Variants in ODF2L observed in about 807,000 individuals in gnomAD.
ODF2L encodes protein BCAP.
ODF2L carries 76 observed loss-of-function variants against 86.3 expected under a neutral mutation model. The observed-to-expected ratio is 0.88, with a 90% CI of 0.73 to 1.07. The LOEUF (loss-of-function observed/expected upper bound fraction) is 1.07, where lower values mean the gene tolerates loss of function less well. Among genes scored for constraint, ODF2L ranks in the 50% least tolerant of loss-of-function variants. The pLI is 0.00. For missense variants in ODF2L, 748 were observed against 717.4 expected (o/e 1.04, Z -0.49); for synonymous variants, 241 against 231.3 (o/e 1.04, Z -0.38).
chr1:86,380,208 C>A (rs1051583617), intron 7 of ODF2L, among the ~76,000 whole-genome samples: 4 of 152,094 alleles, frequency 2.6e-5, no homozygotes, highest in African/African-American at 9.7e-5. Flanking sequence ...CTTAACTCTA[C>A]AATCATCAAA....
chr1:86,378,114 T>C (rs1204282056), intron 7 of ODF2L, among the ~76,000 whole-genome samples: 1 of 152,180 alleles, frequency 6.6e-6, no homozygotes, highest in Non-Finnish European at 1.5e-5. Flanking sequence ...TTTTTCTGAT[T>C]AGAAATTTCT....
chr1:86,391,551 A>C (rs1661330371), intron 1 of ODF2L, among the ~76,000 whole-genome samples: 1 of 152,234 alleles, frequency 6.6e-6, no homozygotes, highest in Non-Finnish European at 1.5e-5. Context: ...TATTTGACAA[A>C]GCAAGCAAAA....
At chr1:86,376,767 T>A (rs1660205358) in intron 7 of ODF2L, among the ~76,000 whole-genome samples, 1 of 152,130 alleles carries the variant, frequency 6.6e-6, no homozygotes, top group Non-Finnish European at 1.5e-5. Flanking sequence ...GAGAACAGCA[T>A]GGGGAAAACC....
chr1:86,359,115 A>T (rs1317204971), intron 12 of ODF2L, among the ~76,000 whole-genome samples: 1 of 151,908 alleles, frequency 6.6e-6, no homozygotes, highest in African/African-American at 2.4e-5. Context: ...ATACTTCTAA[A>T]CTCTCCACTT....
chr1:86,367,581 A>C (rs540800236), intron 11 of ODF2L, among the ~76,000 whole-genome samples: 1 of 151,918 alleles, frequency 6.6e-6, no homozygotes, highest in Non-Finnish European at 1.5e-5. Context: ...ACAACAACAA[A>C]AACAAAAACA....
intron 6 of ODF2L, among the ~76,000 whole-genome samples, 165 bp downstream of exon 6, chr1:86,382,766 T>C (rs1660678097): frequency 2.0e-5 from 3 of 151,830 alleles, no homozygotes; most frequent in Admixed American, 2.0e-4. Context: ...TTAATAAAAT[T>C]AAGATGTTAT....
rs200762791 is a variant in ODF2L, at chr1:86,385,191, AG to A, written c.246+266del. On this transcript the variant is annotated intron_variant, in intron 3 of 17. Transcript: ENST00000317336. ...TAGTTTAAAATTCACTCTTAAGAAA[AG>A]CTGATTTTCTAGTTCAACTCCGGGT... Among the ~76,000 whole-genome samples, 1,447 of 152,090 alleles carry A rather than the reference AG, an allele frequency of 9.5e-3. 14 individuals carry two copies. The highest frequency in any genetic ancestry group is 0.034 in the Middle Eastern group (10 of 292).
chr1:86,395,284 G>C (rs1570454171), intron 1 of ODF2L, among the ~76,000 whole-genome samples: 1 of 152,174 alleles, frequency 6.6e-6, no homozygotes, highest in Non-Finnish European at 1.5e-5. Context: ...AGCAGCCCCA[G>C]TATGGTTATT....
At chr1:86,351,259 T>G (rs1475923424) in exon 18 of ODF2L, 1 of 152,242 alleles carries the variant, frequency 6.6e-6, no homozygotes, top group East Asian at 1.9e-4. Flanking sequence ...CATCTTGAGT[T>G]AATTTTTGTA....
At chr1:86,347,747 AGTGTTCCT>A (rs1307555804), downstream of ODF2L, 1 of 152,154 alleles carries the variant, frequency 6.6e-6, no homozygotes, top group Admixed American at 6.5e-5. Flanking sequence ...TTAAGACCTG[AGTGTTCCT>A]CTGAATTAAC....
At chr1:86,396,291 A>C (rs1661740785) in exon 1 of ODF2L, 1 of 152,332 alleles carries the variant, frequency 6.6e-6, no homozygotes, top group Non-Finnish European at 1.5e-5. Flanking sequence ...AGTGGAACAA[A>C]AGCGCAGCTA....
intron 16 of ODF2L, among the ~76,000 whole-genome samples, chr1:86,353,650 G>C (rs914560438): frequency 6.6e-6 from 1 of 152,176 alleles, no homozygotes; most frequent in African/African-American, 2.4e-5. Context: ...CAAGGAGCTA[G>C]TGGAAAGGAC....
intron 14 of ODF2L, chr1:86,355,089 A>T: frequency 1.8e-6 from 1 of 542,964 alleles, no homozygotes; most frequent in Non-Finnish European, 3.3e-6. Flanking sequence ...CAACTAAAAA[A>T]AATTCAGGAT....
intron 6 of ODF2L, 53 bp downstream of exon 6, chr1:86,382,878 G>A (rs1488952734): frequency 3.6e-6 from 3 of 835,378 alleles, no homozygotes; most frequent in African/African-American, 1.7e-5. Context: ...GGAAAAAAAA[G>A]GGAGTCAATA....
At chr1:86,349,351 A>G (rs1307181413), downstream of ODF2L, 3 of 152,300 alleles carry the variant, frequency 2.0e-5, no homozygotes, top group Admixed American at 6.5e-5. Context: ...GGTTGAGGAA[A>G]AAATTTAAAA....
rs774814811 is a variant in ODF2L, at chr1:86,356,499, C to T, written c.1463G>A (p.Cys488Tyr). 37 of 1,613,878 alleles carry T rather than the reference C, an allele frequency of 2.3e-5. No individual in the cohort carries two copies. The Admixed American group carries it at 3.2e-4, about 14-fold the overall frequency. Residue 488 changes from cysteine (C) to tyrosine (Y), a missense_variant, in exon 14 of 18, where the codon TGC becomes TAC. Transcript: ENST00000317336. ...CTGGTCTGCACACTTCCCCTTGCAG[C>T]ACTGCAGACTCTCCTGACACTCGTG...
At chr1:86,368,005 C>A (rs1161115837) in intron 11 of ODF2L, among the ~76,000 whole-genome samples, 1 of 152,260 alleles carries the variant, frequency 6.6e-6, no homozygotes, top group Non-Finnish European at 1.5e-5. Context: ...ATTGTCTGAA[C>A]CATGTAAAAA....
At chr1:86,385,666 C>G in intron 2 of ODF2L, 76 bp from the exon 3 acceptor site, 1 of 1,143,172 alleles carries the variant, frequency 8.7e-7, no homozygotes, top group Non-Finnish European at 1.3e-6. Context: ...TGCCATATCA[C>G]CTATACAGTA....
downstream of ODF2L, chr1:86,348,749 T>G (rs770008545): frequency 6.8e-7 from 1 of 1,477,058 alleles, no homozygotes; most frequent in African/African-American, 1.5e-5. Flanking sequence ...AATTTGACAA[T>G]TTATTCAAAC....
Sources: allele counts gnomAD v4.1 joint callset (sites outside exome capture counted in the v4.1 genomes callset), GRCh38; gene constraint gnomAD v4.1.1; transcripts MANE v1.5; gene names NCBI Gene and HGNC (gene_info 2026-07-23, HGNC 2026-07-21).